The following SCAMP5 variants were observed in gnomAD, a reference collection of about 807,000 sequenced individuals.
The protein encoded by SCAMP5 is secretory carrier membrane protein 5, also known as secretory carrier-associated membrane protein 5.
In SCAMP5, 7 loss-of-function variants were observed where a neutral mutation model predicts 28.3. The ratio of observed to expected loss-of-function variants is 0.25; its 90% CI spans 0.14 to 0.46. The LOEUF is 0.46. Ranked by LOEUF, SCAMP5 falls within the 20% of genes least tolerant of loss-of-function variation. The probability of loss-of-function intolerance (pLI) is 0.99; values close to 1 mark genes in which losing one functional copy is unlikely to be tolerated. For synonymous variants in SCAMP5, 117 were observed against 116.4 expected (o/e 1.00, Z -0.03); for missense variants, 192 against 312.5 (o/e 0.61, Z 2.91).
chr15:75,009,669 T>A (rs1271629307), intron 1 of SCAMP5, among the ~76,000 whole-genome samples: 1 of 151,896 alleles, frequency 6.6e-6, no homozygotes, highest in South Asian at 2.1e-4. Flanking sequence ...AGAGATGGAG[T>A]CTCACTGTGT....
chr15:75,016,826 CTTCTT>C, intron 4 of SCAMP5, 77 bp downstream of exon 4: 1 of 1,208,228 alleles, frequency 8.3e-7, no homozygotes, highest in Non-Finnish European at 1.1e-6. Flanking sequence ...TCTTTTCTCA[CTTCTT>C]TTTTTTTTTT....
At chr15:75,008,384 C>T (rs1261044980) in intron 1 of SCAMP5, among the ~76,000 whole-genome samples, 3 of 151,530 alleles carry the variant, frequency 2.0e-5, no homozygotes, top group Non-Finnish European at 2.9e-5. Context: ...ATTCTTACTT[C>T]CCCTTTCTTA....
chr15:75,011,703 G>T, intron 1 of SCAMP5, 89 bp from the exon 2 acceptor site: 2 of 629,424 alleles, frequency 3.2e-6, no homozygotes, highest in South Asian at 4.3e-5. Context: ...TCCTGTCCTG[G>T]GGAGCTTGCA....
chr15:75,000,504 C>T (rs2065694008), intron 1 of SCAMP5, among the ~76,000 whole-genome samples: 1 of 152,046 alleles, frequency 6.6e-6, no homozygotes, highest in Non-Finnish European at 1.5e-5. Flanking sequence ...CCTGCCTCAG[C>T]ATCCCGAGTA....
At chr15:75,001,102 C>A (rs899185555) in intron 1 of SCAMP5, among the ~76,000 whole-genome samples, 3 of 151,372 alleles carry the variant, frequency 2.0e-5, no homozygotes, top group Non-Finnish European at 4.4e-5. Flanking sequence ...AACCCCGTCT[C>A]TACTAAAAGT....
At chr15:74,997,857 A>T (rs1410234152) in intron 1 of SCAMP5, among the ~76,000 whole-genome samples, 1 of 152,182 alleles carries the variant, frequency 6.6e-6, no homozygotes, top group Non-Finnish European at 1.5e-5. Context: ...GATTATTCAT[A>T]GTTCTGGGAT....
intron 1 of SCAMP5, among the ~76,000 whole-genome samples, chr15:75,000,565 A>G (rs1356442065): frequency 6.6e-6 from 1 of 151,766 alleles, no homozygotes; most frequent in African/African-American, 2.4e-5. Context: ...TGTATTTTTT[A>G]AGTAGAGACG....
intron 1 of SCAMP5, among the ~76,000 whole-genome samples, chr15:75,006,868 G>A (rs1403073335): frequency 1.3e-5 from 2 of 152,042 alleles, no homozygotes; most frequent in African/African-American, 4.8e-5. Context: ...CTTGAACCCA[G>A]GAGGCGGAGG....
chr15:75,010,514 C>T (rs372981837), intron 1 of SCAMP5, among the ~76,000 whole-genome samples: 3 of 152,178 alleles, frequency 2.0e-5, no homozygotes, highest in African/African-American at 7.2e-5. Context: ...CTGCTTTGGC[C>T]ATAGTGGCTT....
intron 1 of SCAMP5, chr15:75,009,910 T>C (rs916747937): frequency 6.6e-6 from 1 of 152,270 alleles, no homozygotes; most frequent in Non-Finnish European, 1.5e-5. Flanking sequence ...CAAGAACAGA[T>C]GCCGGGCCCC....
intron 1 of SCAMP5, among the ~76,000 whole-genome samples, chr15:75,009,327 A>G (rs1476017777): frequency 6.6e-6 from 1 of 151,968 alleles, no homozygotes; most frequent in Non-Finnish European, 1.5e-5. Flanking sequence ...TTTGTGGTAG[A>G]TGTTACTGGG....
chr15:75,005,758 T>C (rs1428790941), intron 1 of SCAMP5, among the ~76,000 whole-genome samples: 1 of 152,184 alleles, frequency 6.6e-6, no homozygotes, highest in Non-Finnish European at 1.5e-5. Flanking sequence ...GGAGTCTCAC[T>C]CTGTCGCCCA....
intron 1 of SCAMP5, among the ~76,000 whole-genome samples, chr15:75,003,809 A>AAAAT (rs965046760): frequency 2.4e-4 from 37 of 152,128 alleles, no homozygotes; most frequent in African/African-American, 7.2e-4. Context: ...GACCCTATCT[A>AAAAT]AAATAAATAA....
At chr15:75,013,923 C>T (rs17421513) in intron 3 of SCAMP5, among the ~76,000 whole-genome samples, 5,434 of 151,714 alleles carry the variant, frequency 0.036, 132 homozygotes, top group Non-Finnish European at 0.054. Context: ...GGCCTCATTT[C>T]TGGTGATCTG....
Position 75,019,022 on chromosome 15 carries a change from G to A in SCAMP5, c.*39G>A. 1 of 1,390,962 alleles carries A rather than the reference G, an allele frequency of 7.2e-7. No individual in the cohort carries two copies. 86.2% of individuals were successfully genotyped at this position (1,390,962 alleles called of 1,614,324 possible). A position where few individuals can be genotyped will look rare whatever the true frequency, so the allele number is the denominator to read the frequency against. On this transcript the variant is annotated 3_prime_UTR_variant, in exon 7 of 7. Transcript: ENST00000425597. The stretch of plus-strand genomic sequence containing the variant: ...ACCAGGTGGCAGAGCTGGGGCCATT[G>A]GGACAGGGGGCTCAAGCCACATCGT...
chr15:75,011,721 T>G, intron 1 of SCAMP5, 71 bp from the exon 2 acceptor site: 26 of 743,726 alleles, frequency 3.5e-5, no homozygotes, highest in Non-Finnish European at 5.5e-5. Flanking sequence ...GCAGCCCAGA[T>G]GAGGAGTAGA....
At position 75,005,448 on chromosome 15, in the gene SCAMP5, G is replaced by A. The variant is rs1358622036; in HGVS notation, c.-48-6344G>A. Among the ~76,000 whole-genome samples, 28 of 146,654 alleles carry A rather than the reference G, an allele frequency of 1.9e-4. No individual in the cohort carries two copies. In the East Asian group the frequency reaches 4.4e-3, roughly 23 times the overall value. On this transcript the variant is annotated intron_variant, in intron 1 of 6. Coordinates refer to ENST00000425597, the MANE Select transcript of SCAMP5 (RefSeq NM_138967.4). ...GCACTCCATCCTAGGCAATAAGAGC[G>A]AAACTCCGTTTCAAAAAAAAAAAAA...
intron 1 of SCAMP5, among the ~76,000 whole-genome samples, chr15:75,000,958 CTTG>C (rs1251204271): frequency 1.3e-5 from 2 of 151,966 alleles, no homozygotes; most frequent in Admixed American, 1.3e-4. Flanking sequence ...CTCCCTATTC[CTTG>C]TTAAAAATTC....
intron 1 of SCAMP5, among the ~76,000 whole-genome samples, chr15:75,000,683 C>CTTTTTTT (rs58106804): frequency 8.3e-6 from 1 of 120,290 alleles, no homozygotes; most frequent in African/African-American, 3.0e-5. Context: ...CGCACCCAGC[C>CTTTTTTT]TTTTTTTTTT....
Sources: allele counts gnomAD v4.1 joint callset (sites outside exome capture counted in the v4.1 genomes callset), GRCh38; gene constraint gnomAD v4.1.1; transcripts MANE v1.5; gene names NCBI Gene and HGNC (gene_info 2026-07-23, HGNC 2026-07-21).